Variants in ZFHX3 observed in about 807,000 individuals in gnomAD.
ZFHX3 encodes the protein zinc finger homeobox 3.
Under a neutral mutation model 279.1 loss-of-function variants are expected in ZFHX3, and 42 were observed. The observed-to-expected ratio is 0.15, with a 90% confidence interval of 0.12 to 0.19. The LOEUF is 0.19. Ranked by LOEUF, ZFHX3 falls within the 10% of genes least tolerant of loss-of-function variation. The pLI is 1.00. For synonymous variants in ZFHX3, 2,293 were observed against 1,957.8 expected (o/e 1.17, Z -4.52); for missense variants, 4,981 against 4,754.0 (o/e 1.05, Z -1.40).
Position 73,345,114 on chromosome 16 carries a change from AT to A in ZFHX3, c.-1290-26779del, listed in dbSNP as rs373394519. Reference sequence around the variant, plus strand: ...GCAAAATCTTTTCCTAGTTAAAAGCATTTTTTTTCATAGCCCTGGATTTAAA... The same window carrying A: ...GCAAAATCTTTTCCTAGTTAAAAGCATTTTTTTCATAGCCCTGGATTTAAA... On this transcript the variant is annotated intron_variant, in intron 3 of 17. Coordinates refer to the ZFHX3 transcript ENST00000641206. Among the ~76,000 whole-genome samples the A allele has an allele frequency of 9.4e-3, 1,433 of 152,024 alleles. 31 individuals are homozygous for A. Among genetic ancestry groups the A allele is most frequent in the African/African-American group, 0.033 (1,350 of 41,454 alleles).
rs539997819 is a variant in ZFHX3, at chr16:73,221,375, ATTAT to A, written c.-1104+35668_-1104+35671del. On this transcript the variant is annotated intron_variant, in intron 5 of 17. Transcript: ENST00000641206. ...ATAAAGATATATTTTATTGTTATAGATTATTTATACTTGAGTATATATTTTATTT... is the reference window on the plus strand; with the variant it reads ...ATAAAGATATATTTTATTGTTATAGATTATACTTGAGTATATATTTTATTT... Among the ~76,000 whole-genome samples the A allele has an allele frequency of 2.0e-3, 305 of 152,270 alleles. 2 individuals carry two copies. Among genetic ancestry groups the A allele is most frequent in the Middle Eastern group, 6.8e-3 (2 of 294 alleles).
chr16:73,346,410 C>A (rs930511747), intron 3 of ZFHX3, among the ~76,000 whole-genome samples: 22 of 152,142 alleles, frequency 1.4e-4, no homozygotes, highest in African/African-American at 5.3e-4. Flanking sequence ...CCCTGTGATA[C>A]CCAAGGTGAA....
At chr16:73,242,358 A>G (rs2013148530) in intron 5 of ZFHX3, among the ~76,000 whole-genome samples, 1 of 151,996 alleles carries the variant, frequency 6.6e-6, no homozygotes, top group Non-Finnish European at 1.5e-5. Flanking sequence ...TGCCACCCCC[A>G]CACCCACCCC....
chr16:73,433,764 C>A (rs1009583826), intron 3 of ZFHX3, among the ~76,000 whole-genome samples: 2 of 152,198 alleles, frequency 1.3e-5, no homozygotes, highest in Non-Finnish European at 2.9e-5. Flanking sequence ...GGGGAGTGAG[C>A]CTGCAGCGGC....
intron 1 of ZFHX3, among the ~76,000 whole-genome samples, chr16:72,995,309 C>CAAG (rs1352985089): frequency 6.6e-6 from 1 of 152,204 alleles, no homozygotes; most frequent in Non-Finnish European, 1.5e-5. Context: ...CGTGCCTCTC[C>CAAG]AATCTGGGTG....
intron 1 of ZFHX3, among the ~76,000 whole-genome samples, chr16:73,726,165 GA>G (rs1338791551): frequency 1.3e-5 from 2 of 152,162 alleles, no homozygotes; most frequent in Non-Finnish European, 2.9e-5. Flanking sequence ...CAAAACTCTA[GA>G]GAAAGTCTAG....
intron 7 of ZFHX3, among the ~76,000 whole-genome samples, chr16:73,102,960 T>C (rs918952075): frequency 6.6e-6 from 1 of 152,192 alleles, no homozygotes; most frequent in Admixed American, 6.5e-5. Context: ...AGTCTCACTC[T>C]GTTGCCCTAG....
At chr16:73,278,640 GT>G in intron 4 of ZFHX3, among the ~76,000 whole-genome samples, 1 of 152,332 alleles carries the variant, frequency 6.6e-6, no homozygotes, top group East Asian at 1.9e-4. Flanking sequence ...CCCACGTTCC[GT>G]TTTTGTCCTA....
intron 5 of ZFHX3, among the ~76,000 whole-genome samples, chr16:73,247,596 G>A (rs1297256025): frequency 4.0e-5 from 6 of 151,652 alleles, no homozygotes; most frequent in African/African-American, 1.2e-4. Flanking sequence ...TGTATATGAT[G>A]TGTCTGTGTA....
chr16:73,281,457 T>C (rs2014456167), intron 4 of ZFHX3, among the ~76,000 whole-genome samples: 1 of 152,056 alleles, frequency 6.6e-6, no homozygotes, highest in African/African-American at 2.4e-5. Context: ...TTGCAGGGGC[T>C]GGGGGAAGGG....
At chr16:73,650,349 A>C (rs1047584896) in intron 2 of ZFHX3, among the ~76,000 whole-genome samples, 13 of 151,904 alleles carry the variant, frequency 8.6e-5, no homozygotes, top group Non-Finnish European at 7.4e-5. Flanking sequence ...TCCAAAAAAA[A>C]AAAACAAAAA....
intron 1 of ZFHX3, among the ~76,000 whole-genome samples, chr16:73,023,660 C>G (rs561028976): frequency 6.6e-6 from 1 of 152,350 alleles, no homozygotes; most frequent in South Asian, 2.1e-4. Flanking sequence ...TTGCAGAAAA[C>G]CAGCGCTTAG....
intron 1 of ZFHX3, among the ~76,000 whole-genome samples, chr16:73,831,055 A>C (rs1366553578): frequency 1.3e-5 from 2 of 152,214 alleles, no homozygotes; most frequent in African/African-American, 4.8e-5. Context: ...CTTTAGACAC[A>C]TTCAAAAGAC....
intron 3 of ZFHX3, among the ~76,000 whole-genome samples, chr16:73,394,654 G>A (rs1310032165): frequency 6.6e-6 from 1 of 152,122 alleles, no homozygotes; most frequent in Admixed American, 6.5e-5. Context: ...ACAAAGATAT[G>A]CTTGTAATGG....
intron 5 of ZFHX3, among the ~76,000 whole-genome samples, chr16:73,242,710 C>G (rs2013160774): frequency 6.6e-6 from 1 of 152,168 alleles, no homozygotes; most frequent in South Asian, 2.1e-4. Flanking sequence ...ACTGATCATG[C>G]AATAACGAGA....
rs1019568937 is a variant in ZFHX3, at chr16:72,956,517, C to T, written c.2719+910G>A. Among the ~76,000 whole-genome samples the T allele has an allele frequency of 3.9e-5, 6 of 152,118 alleles. No individual in the cohort carries two copies. The South Asian group carries it at 6.2e-4, about 16-fold the overall frequency. On this transcript the variant is annotated intron_variant, in intron 2 of 9. Coordinates refer to ENST00000268489, the MANE Select transcript of ZFHX3 (RefSeq NM_006885.4). ...CTCAAAGTGGCTGTGGTTCGTTCTA[C>T]GTAAAAACTCAAAGTTTTTAGCACC...
chr16:73,742,397 A>T (rs1383517844), intron 1 of ZFHX3, among the ~76,000 whole-genome samples: 1 of 152,190 alleles, frequency 6.6e-6, no homozygotes, highest in Non-Finnish European at 1.5e-5. Flanking sequence ...AGTTTCCACT[A>T]CATTCTCATA....
At chr16:73,641,399 C>G (rs1026222999) in intron 2 of ZFHX3, among the ~76,000 whole-genome samples, 1 of 152,090 alleles carries the variant, frequency 6.6e-6, no homozygotes, top group African/African-American at 2.4e-5. Context: ...TGGAGACATG[C>G]GGCCCCCTGA....
At chr16:73,804,330 A>G (rs1372882579) in intron 1 of ZFHX3, among the ~76,000 whole-genome samples, 4 of 152,144 alleles carry the variant, frequency 2.6e-5, no homozygotes, top group African/African-American at 9.7e-5. Flanking sequence ...AAAAACAAAA[A>G]CTACACCAAG....
Sources: gnomAD v4.1 joint callset for allele counts (sites outside exome capture counted in the v4.1 genomes callset) on GRCh38, gnomAD v4.1.1 for gene constraint, MANE v1.5 for transcripts, NCBI Gene and HGNC (gene_info 2026-07-23, HGNC 2026-07-21) for gene names.